Variants in ERICH1 observed in about 807,000 individuals in gnomAD.
The protein encoded by ERICH1 is glutamate-rich protein 1.
A neutral mutation model predicts 39.6 loss-of-function variants in ERICH1; 56 were observed. The ratio of observed to expected loss-of-function variants is 1.41; its 90% CI spans 1.14 to 1.77. The LOEUF (loss-of-function observed/expected upper bound fraction) is 1.77, where lower values mean the gene tolerates loss of function less well. Among genes scored for constraint, ERICH1 ranks in the 40% most tolerant of loss-of-function variants. ERICH1 has a pLI of 0.00. For synonymous variants in ERICH1, 313 were observed against 223.6 expected, an observed-to-expected ratio of 1.40 and a Z score of -3.57; for missense variants, 826 against 575.4, an observed-to-expected ratio of 1.44 and a Z score of -4.45.
intron 1 of ERICH1, among the ~76,000 whole-genome samples, chr8:729,194 C>T (rs959460127): frequency 1.3e-5 from 2 of 152,208 alleles, no homozygotes; most frequent in Non-Finnish European, 2.9e-5. Context: ...CAACATCCGG[C>T]GGTGAATAAA....
chr8:650,699 A>G (rs549450914), intron 3 of ERICH1, among the ~76,000 whole-genome samples: 1 of 152,238 alleles, frequency 6.6e-6, no homozygotes, highest in Non-Finnish European at 1.5e-5. Flanking sequence ...GGCCACCCTG[A>G]CCCTGAAGAG....
At chr8:668,180 C>T (rs1030024502) in intron 5 of ERICH1, 4 of 254,396 alleles carry the variant, frequency 1.6e-5, no homozygotes, top group Non-Finnish European at 2.3e-5. Context: ...AAAGGATGCC[C>T]GGTGAAGGTG....
chr8:662,123 G>C (rs1184563851), downstream of ERICH1, among the ~76,000 whole-genome samples: 1 of 151,846 alleles, frequency 6.6e-6, no homozygotes, highest in African/African-American at 2.4e-5. Context: ...TGGAACCCAG[G>C]AAATGGCCAC....
intron 2 of ERICH1, among the ~76,000 whole-genome samples, chr8:697,342 A>G (rs1246317126): frequency 6.6e-6 from 1 of 152,156 alleles, no homozygotes; most frequent in African/African-American, 2.4e-5. Context: ...GCGATGGAGA[A>G]GCCGGTGCAA....
chr8:644,271 T>TGC (rs930704255), intron 3 of ERICH1, among the ~76,000 whole-genome samples: 10 of 152,378 alleles, frequency 6.6e-5, no homozygotes, highest in Admixed American at 2.0e-4. Context: ...TCAGGGCTCC[T>TGC]GCAGAGGGTG....
chr8:628,410 G>C (rs761280438), intron 3 of ERICH1, among the ~76,000 whole-genome samples: 31 of 152,330 alleles, frequency 2.0e-4, no homozygotes, highest in African/African-American at 7.5e-4. Flanking sequence ...AAACAGGACC[G>C]CTGTGATGGA....
At chr8:691,193 G>A (rs949829723) in intron 3 of ERICH1, 1 of 152,380 alleles carries the variant, frequency 6.6e-6, no homozygotes, top group African/African-American at 2.4e-5. Flanking sequence ...GGCGCCTGGA[G>A]AAGGTGGCAA....
chr8:673,613 G>C lies in ERICH1; in HGVS notation c.739C>G (p.Gln247Glu), dbSNP rs1201047448. Residue 247 changes from glutamine to glutamate, a missense_variant, in exon 4 of 6, where the codon CAG (glutamine) becomes GAG (glutamate). Physicochemically the swap from Gln to Glu is conservative, Grantham distance 29. Coordinates refer to ENST00000262109, the MANE Select transcript of ERICH1 (RefSeq NM_207332.3). ...TCACTGGCGTCCGCACCCTCTTCCT[G>C]CCTGGCCCGTGTCAGGTCTTCCTCG... Reference protein sequence around the residue: ...ASEEDLTRARQEEGADASEED... With the variant: ...ASEEDLTRAREEEGADASEED... The C allele has an allele frequency of 3.9e-6, 6 of 1,521,250 alleles. No individual in the cohort carries two copies. The highest frequency in any genetic ancestry group is 1.5e-5 in the African/African-American group (1 of 66,562). The allele number at this position is 1,521,250 out of a possible 1,614,324, so 94.2% of individuals were successfully genotyped here.
At chr8:720,163 GA>G (rs1306822392) in intron 1 of ERICH1, among the ~76,000 whole-genome samples, 1 of 152,204 alleles carries the variant, frequency 6.6e-6, no homozygotes, top group Non-Finnish European at 1.5e-5. Flanking sequence ...GGAGGAAGAG[GA>G]ATGTCCTGGA....
At chr8:691,658 A>T (rs1369847250) in intron 3 of ERICH1, among the ~76,000 whole-genome samples, 1 of 152,264 alleles carries the variant, frequency 6.6e-6, no homozygotes, top group East Asian at 1.9e-4. Flanking sequence ...GCTTGAAAGG[A>T]TGAATCCATT....
chr8:730,130 T>G (rs1001455045), intron 1 of ERICH1, among the ~76,000 whole-genome samples: 7 of 152,164 alleles, frequency 4.6e-5, no homozygotes, highest in African/African-American at 1.7e-4. Context: ...TACGTGAATG[T>G]CCATTTTAGA....
chr8:695,845 G>A (rs1232309803), intron 2 of ERICH1, among the ~76,000 whole-genome samples: 3 of 131,730 alleles, frequency 2.3e-5, no homozygotes, highest in South Asian at 2.5e-4. Context: ...CTCCCCATCA[G>A]CCTGCACCTG....
downstream of ERICH1, among the ~76,000 whole-genome samples, chr8:663,515 C>CACGGGCGGG (rs1554493346): frequency 2.0e-5 from 3 of 149,796 alleles, no homozygotes; most frequent in East Asian, 6.1e-4. Context: ...CACGGATGCT[C>CACGGGCGGG]ACAGGCGGGA....
At chr8:684,797 G>A (rs1806924198) in intron 3 of ERICH1, among the ~76,000 whole-genome samples, 1 of 152,066 alleles carries the variant, frequency 6.6e-6, no homozygotes, top group Non-Finnish European at 1.5e-5. Flanking sequence ...GATGCCCCCT[G>A]AGCCCCAAAA....
chr8:723,950 T>A (rs890703538), intron 1 of ERICH1, among the ~76,000 whole-genome samples: 2 of 152,226 alleles, frequency 1.3e-5, no homozygotes, highest in African/African-American at 4.8e-5. Flanking sequence ...GTTAATTCAA[T>A]GAGTAGTAGA....
chr8:703,090 C>T (rs937742931), intron 2 of ERICH1, among the ~76,000 whole-genome samples: 2 of 152,220 alleles, frequency 1.3e-5, no homozygotes, highest in South Asian at 2.1e-4. Flanking sequence ...CGTCCACCTT[C>T]CGAATTTCAG....
chr8:705,442 TAAC>T (rs1267064780), intron 2 of ERICH1, among the ~76,000 whole-genome samples: 1 of 152,220 alleles, frequency 6.6e-6, no homozygotes, highest in Non-Finnish European at 1.5e-5. Flanking sequence ...ATTTTTCCTT[TAAC>T]ATTTCCAAGG....
In ERICH1 at chr8:673,670, C is replaced by G. The variant is rs775550752; in HGVS notation, c.682G>C (p.Asp228His). ...PTLAGEEDVK[D>H]TREEDGADAS... ...TCCGCACCATCTTCCTCCCTGGTAT[C>G]TTTAACGTCTTCCTCCCCGGCCAGT... is the stretch of plus-strand genomic sequence containing the variant. The change falls in exon 4 of 6, where the codon GAT becomes CAT. Residue 228 changes from aspartate to histidine, a missense_variant. Coordinates refer to ENST00000262109, the MANE Select transcript of ERICH1 (RefSeq NM_207332.3). The G allele has an allele frequency of 6.2e-7, 1 of 1,613,446 alleles. No homozygotes were observed. The highest frequency in any genetic ancestry group is 8.5e-7 in the Non-Finnish European group (1 of 1,179,644).
intron 4 of ERICH1, 58 bp downstream of exon 4, chr8:673,230 CT>C: frequency 6.6e-7 from 1 of 1,507,792 alleles, no homozygotes; most frequent in East Asian, 2.3e-5. Context: ...ATATTTGTTT[CT>C]TTTAATAAAC....
Sources: allele counts gnomAD v4.1 joint callset (sites outside exome capture counted in the v4.1 genomes callset), GRCh38; gene constraint gnomAD v4.1.1; transcripts MANE v1.5; gene names NCBI Gene and HGNC (gene_info 2026-07-23, HGNC 2026-07-21).